Variants in KMT2E observed in about 807,000 individuals in gnomAD.
The protein encoded by KMT2E is histone reader KMT2E.
KMT2E carries 30 observed loss-of-function variants against 184.6 expected under a neutral mutation model. The observed-to-expected ratio is 0.16, with a 90% CI of 0.12 to 0.22. The LOEUF is 0.22. Among genes scored for constraint, KMT2E ranks in the 10% least tolerant of loss-of-function variants. KMT2E has a pLI of 1.00. For missense variants in KMT2E, 2,023 were observed against 2,237.4 expected (o/e 0.90, Z 1.93); for synonymous variants, 815 against 776.5 (o/e 1.05, Z -0.82).
At position 105,107,342 on chromosome 7, in the gene KMT2E, T is replaced by C; in HGVS notation, c.2905-20T>C. 1.3e-6 allele frequency: 2 copies of C among 1,545,062 alleles called. No individual in the cohort carries two copies. The highest frequency in any genetic ancestry group is 1.7e-6 in the Non-Finnish European group (2 of 1,147,570). The stretch of plus-strand genomic sequence containing the variant: ...AAGATGTGATTATTTGTGTAATTTT[T>C]TTTTTTAATTTGTAAACAGGGATAT... On this transcript the variant is annotated intron_variant, in intron 21 of 26. Transcript: ENST00000311117.
At chr7:105,014,559 G>C (rs1034484767) in intron 1 of KMT2E, 24 bp downstream of exon 1, 1 of 152,288 alleles carries the variant, frequency 6.6e-6, no homozygotes, top group Non-Finnish European at 1.5e-5. Flanking sequence ...GTCTCCATGG[G>C]AGTTCCTGGG....
At chr7:105,059,978 GTTTTTTTT>G (rs67291226) in intron 3 of KMT2E, among the ~76,000 whole-genome samples, 8 of 51,796 alleles carry the variant, frequency 1.5e-4, no homozygotes, top group African/African-American at 2.3e-4. Context: ...TCTTGTTGTT[GTTTTTTTT>G]TTTTTTTTTT....
At chr7:105,083,574 G>A (rs1467102781) in intron 13 of KMT2E, among the ~76,000 whole-genome samples, 1 of 152,134 alleles carries the variant, frequency 6.6e-6, no homozygotes, top group Non-Finnish European at 1.5e-5. Context: ...TTCAAGGCTT[G>A]GGTTTAGCAG....
chr7:105,085,344 T>C (rs999546800), intron 13 of KMT2E, among the ~76,000 whole-genome samples: 2 of 150,822 alleles, frequency 1.3e-5, no homozygotes, highest in Non-Finnish European at 3.0e-5. Flanking sequence ...AGGTCAGGGG[T>C]TCAAAACCAG....
intron 13 of KMT2E, among the ~76,000 whole-genome samples, chr7:105,086,460 C>CA (rs1797967053): frequency 6.6e-6 from 1 of 152,088 alleles, no homozygotes; most frequent in Non-Finnish European, 1.5e-5. Flanking sequence ...TGCTATGACT[C>CA]ACGGCTGTAA....
Position 105,077,384 on chromosome 7 carries a change from A to C in KMT2E, c.1081A>C (p.Lys361Gln). The part of the protein sequence containing the change: ...PDALIIEYRG[K>Q]FMLREQFEAN... ...TGCACTTATCATTGAATACAGAGGG[A>C]AGTTTATGCTGAGAGAACAGTTTGA... Residue 361 changes from lysine (K) to glutamine (Q), a missense_variant, in exon 11 of 27, where the codon AAG (lysine) becomes CAG (glutamine). By Grantham distance (53) the Lys-to-Gln change is moderately conservative. Transcript: ENST00000311117. 6.2e-7 allele frequency: 1 copy of C among 1,610,258 alleles called. No individual in the cohort carries two copies. Among genetic ancestry groups the C allele is most frequent in the Non-Finnish European group, 8.5e-7 (1 of 1,177,288 alleles).
chr7:105,071,304 A>G (rs998600250), intron 6 of KMT2E, among the ~76,000 whole-genome samples: 1 of 152,006 alleles, frequency 6.6e-6, no homozygotes, highest in African/African-American at 2.4e-5. Context: ...ATGTATATAT[A>G]AAATTTTGTT....
At chr7:105,087,300 T>TATATATA (rs1798023355) in intron 13 of KMT2E, among the ~76,000 whole-genome samples, 3 of 147,592 alleles carry the variant, frequency 2.0e-5, no homozygotes, top group South Asian at 4.2e-4. Context: ...ATATATATAA[T>TATATATA]ATATAAATAT....
chr7:105,078,562 G>A (rs1797625063), intron 11 of KMT2E, among the ~76,000 whole-genome samples: 1 of 150,400 alleles, frequency 6.6e-6, no homozygotes, highest in South Asian at 2.1e-4. Flanking sequence ...GCATGATCAT[G>A]GCTCACTGCA....
At chr7:105,023,195 AC>A (rs1297643545) in intron 1 of KMT2E, among the ~76,000 whole-genome samples, 5 of 151,490 alleles carry the variant, frequency 3.3e-5, no homozygotes, top group Admixed American at 3.3e-4. Context: ...CAATTTTGAT[AC>A]TCCCCTTTCT....
intron 3 of KMT2E, among the ~76,000 whole-genome samples, chr7:105,047,845 C>G (rs1304805403): frequency 6.6e-6 from 1 of 152,128 alleles, no homozygotes; most frequent in Admixed American, 6.6e-5. Context: ...ATATATAAAA[C>G]AGATAAAAGG....
At chr7:105,102,283 T>A (rs1798688133) in intron 17 of KMT2E, 89 bp downstream of exon 17, 4 of 1,118,026 alleles carry the variant, frequency 3.6e-6, no homozygotes, top group Non-Finnish European at 4.9e-6. Flanking sequence ...TTTTAAGACC[T>A]CATAATAATA....
At chr7:105,071,778 G>C in intron 6 of KMT2E, among the ~76,000 whole-genome samples, 1 of 151,124 alleles carries the variant, frequency 6.6e-6, no homozygotes, top group Non-Finnish European at 1.5e-5. Context: ...ATTCCAAACA[G>C]TAATGGATAA....
intron 5 of KMT2E, among the ~76,000 whole-genome samples, chr7:105,064,269 T>C (rs981209891): frequency 1.4e-5 from 2 of 141,924 alleles, no homozygotes; most frequent in African/African-American, 5.3e-5. Context: ...GTTTATCCCC[T>C]GCATAGGGTG....
chr7:105,105,371 G>A (rs2299298), intron 17 of KMT2E, 68 bp from the exon 18 acceptor site: 600,006 of 1,160,744 alleles, frequency 0.52, 163,524 homozygotes, highest in East Asian at 0.94. Context: ...TTCAAATCTG[G>A]TATTAGAATA....
intron 24 of KMT2E, 49 bp from the exon 25 acceptor site, chr7:105,110,428 T>A: frequency 6.2e-7 from 1 of 1,614,122 alleles, no homozygotes; most frequent in Non-Finnish European, 8.5e-7. Context: ...GCATCCTCGT[T>A]CTTTGCAGCT....
intron 6 of KMT2E, among the ~76,000 whole-genome samples, chr7:105,072,454 C>T (rs1797362745): frequency 6.6e-6 from 1 of 152,138 alleles, no homozygotes; most frequent in African/African-American, 2.4e-5. Context: ...TCCTGGTAGA[C>T]ATTAAGGCAA....
chr7:105,032,358 C>T (rs915757720), intron 1 of KMT2E, among the ~76,000 whole-genome samples: 2 of 152,028 alleles, frequency 1.3e-5, no homozygotes, highest in Non-Finnish European at 2.9e-5. Flanking sequence ...GCAGGAATAT[C>T]GCTTGAACCT....
chr7:105,098,742 G>A (rs943836015), intron 15 of KMT2E, among the ~76,000 whole-genome samples: 1 of 152,036 alleles, frequency 6.6e-6, no homozygotes, highest in Non-Finnish European at 1.5e-5. Context: ...GCTTTGTGAT[G>A]GGGATATTAT....
Sources: allele counts gnomAD v4.1 joint callset (sites outside exome capture counted in the v4.1 genomes callset), GRCh38; gene constraint gnomAD v4.1.1; transcripts MANE v1.5; gene names NCBI Gene and HGNC (gene_info 2026-07-23, HGNC 2026-07-21).